HSF5: variants seen among roughly 807,000 people sequenced by gnomAD.
HSF5 encodes the protein heat shock transcription factor 5.
Under a neutral mutation model 50.8 loss-of-function variants are expected in HSF5, and 5 were observed. The ratio of observed to expected loss-of-function variants is 0.10; its 90% CI spans 0.05 to 0.21. The LOEUF is 0.21. Ranked by LOEUF, HSF5 falls within the 10% of genes least tolerant of loss-of-function variation. The pLI, the probability that HSF5 is intolerant of heterozygous loss-of-function variation, is 1.00. For synonymous variants in HSF5, 307 were observed against 307.4 expected (o/e 1.00, Z 0.02); for missense variants, 564 against 762.6 (o/e 0.74, Z 3.07).
intron 5 of HSF5, among the ~76,000 whole-genome samples, chr17:58,451,260 G>C (rs1974637457): frequency 6.6e-6 from 1 of 152,138 alleles, no homozygotes; most frequent in South Asian, 2.1e-4. Flanking sequence ...TAAACACCCA[G>C]CTTTCAGCAA....
chr17:58,458,157 G>A (rs1428228754), intron 5 of HSF5, among the ~76,000 whole-genome samples: 1 of 152,246 alleles, frequency 6.6e-6, no homozygotes, highest in East Asian at 1.9e-4. Flanking sequence ...TGGATGATAT[G>A]AGACACATGT....
intron 5 of HSF5, among the ~76,000 whole-genome samples, chr17:58,447,382 G>T (rs980007669): frequency 6.6e-6 from 1 of 152,244 alleles, no homozygotes; most frequent in Non-Finnish European, 1.5e-5. Flanking sequence ...CAGTCTGACA[G>T]TAGTGACAGA....
chr17:58,424,615 A>C (rs1349670437), intron 5 of HSF5, among the ~76,000 whole-genome samples: 1 of 151,122 alleles, frequency 6.6e-6, no homozygotes, highest in Admixed American at 6.6e-5. Flanking sequence ...CCGTCTCAAA[A>C]AAAAAAAAAA....
intron 2 of HSF5, among the ~76,000 whole-genome samples, chr17:58,477,808 C>A (rs1482727522): frequency 6.7e-6 from 1 of 149,440 alleles, no homozygotes; most frequent in Non-Finnish European, 1.5e-5. Context: ...AAGTAAATAT[C>A]TTTTTTTTTT....
At chr17:58,476,966 G>T in intron 2 of HSF5, 3 of 635,606 alleles carry the variant, frequency 4.7e-6, no homozygotes, top group South Asian at 3.7e-5. Context: ...ACGGTTGGGA[G>T]ACGGGGGCGG....
intron 2 of HSF5, among the ~76,000 whole-genome samples, chr17:58,477,115 A>G (rs111455302): frequency 5.8e-4 from 82 of 142,018 alleles, no homozygotes; most frequent in African/African-American, 2.2e-3. Flanking sequence ...ATATATATAT[A>G]CTTTTTTTTT....
intron 5 of HSF5, among the ~76,000 whole-genome samples, chr17:58,449,879 C>T (rs1360641055): frequency 4.0e-5 from 6 of 148,828 alleles, no homozygotes; most frequent in African/African-American, 9.9e-5. Context: ...AAAAATTAGC[C>T]GGGCGTAGTG....
intron 5 of HSF5, among the ~76,000 whole-genome samples, chr17:58,448,682 A>G (rs1044147047): frequency 6.6e-6 from 1 of 152,206 alleles, no homozygotes; most frequent in East Asian, 1.9e-4. Flanking sequence ...TCCCAAACAA[A>G]AGCTGAGAGA....
rs368445441 is a variant in HSF5, at chr17:58,477,523, G to A, written c.925+2370C>T. Among the ~76,000 whole-genome samples, 47 of 149,192 alleles carry A rather than the reference G, an allele frequency of 3.2e-4. No homozygotes were observed. In the East Asian group the frequency reaches 6.6e-3, roughly 21 times the overall value. On this transcript the variant is annotated intron_variant, in intron 2 of 5. Transcript: ENST00000323777. ...CGCCCAGGCTGGAGTGCAGTGGCGC[G>A]ATCTCGGCTCACTGCAAGTTCCGCT...
intron 5 of HSF5, among the ~76,000 whole-genome samples, chr17:58,425,126 C>T (rs1974277554): frequency 1.3e-5 from 2 of 151,822 alleles, no homozygotes; most frequent in East Asian, 1.9e-4. Flanking sequence ...AGGCCGGGTG[C>T]GGTGGCTCAT....
At position 58,487,970 on chromosome 17, in the gene HSF5, G is replaced by T; in HGVS notation, c.305C>A (p.Pro102Gln). 1 of 1,611,234 alleles carries T rather than the reference G, an allele frequency of 6.2e-7. No homozygotes were observed. Among genetic ancestry groups the T allele is most frequent in the Non-Finnish European group, 8.5e-7 (1 of 1,179,314 alleles). Reference sequence around the variant, plus strand: ...GTGATGGAGCGGCCCATTGCCTGCCGGTTTGCCGCCCCCCGGCCCGCCCAG... The same window carrying T: ...GTGATGGAGCGGCCCATTGCCTGCCTGTTTGCCGCCCCCCGGCCCGCCCAG... ...VVLGGPGGGKPAGNGPLHHFH... is the reference protein window; with the variant it reads ...VVLGGPGGGKQAGNGPLHHFH... Residue 102 changes from proline (P) to glutamine (Q), a missense_variant, in exon 1 of 6, where the codon CCG becomes CAG. Coordinates refer to ENST00000323777, the MANE Select transcript of HSF5 (RefSeq NM_001080439.3).
At chr17:58,429,613 G>A (rs1043209980) in intron 5 of HSF5, among the ~76,000 whole-genome samples, 5 of 152,104 alleles carry the variant, frequency 3.3e-5, no homozygotes, top group African/African-American at 4.8e-5. Context: ...TGGGGAGGCC[G>A]AAGTGGATGG....
intron 5 of HSF5, among the ~76,000 whole-genome samples, chr17:58,437,914 G>A (rs1974447449): frequency 6.6e-6 from 1 of 152,226 alleles, no homozygotes; most frequent in East Asian, 1.9e-4. Flanking sequence ...ATTTCTACAG[G>A]AGAGATTCCC....
chr17:58,445,876 C>T (rs1974554740), intron 5 of HSF5, among the ~76,000 whole-genome samples: 1 of 152,086 alleles, frequency 6.6e-6, no homozygotes, highest in Non-Finnish European at 1.5e-5. Context: ...TGGCTCACAC[C>T]TGTAATCCCA....
intron 5 of HSF5, among the ~76,000 whole-genome samples, chr17:58,445,082 C>G (rs73317753): frequency 5.9e-5 from 9 of 152,120 alleles, no homozygotes; most frequent in African/African-American, 2.2e-4. Flanking sequence ...CTTACAGAAG[C>G]CTTCCTTAAA....
At chr17:58,459,055 C>T (rs1974754355) in intron 4 of HSF5, 110 bp from the exon 5 acceptor site, 1 of 918,202 alleles carries the variant, frequency 1.1e-6, no homozygotes, top group Non-Finnish European at 1.7e-6. Context: ...AACAAACAAG[C>T]TTATAAGGCT....
rs763126275 is a variant in HSF5, at chr17:58,458,834, T to C, written c.1654A>G (p.Thr552Ala). The part of the protein sequence containing the change: ...MGPASKPSED[T>A]GLATPARYRE... ...TATCTGGCTGGAGTGGCTAAACCTG[T>C]GTCTTCACTAGGCTTGCTAGCAGGC... Residue 552 changes from threonine to alanine, a missense_variant, in exon 5 of 6, where the codon ACA becomes GCA. By Grantham distance (58) the Thr-to-Ala change is moderately conservative. Around this residue, in one of 5 missense-constraint regions of HSF5, gnomAD observed 441 missense variants for 533.6 expected, o/e 0.83. Coordinates refer to ENST00000323777, the MANE Select transcript of HSF5 (RefSeq NM_001080439.3). The C allele has an allele frequency of 6.1e-5, 99 of 1,614,048 alleles. 1 individual carries two copies. The highest frequency in any genetic ancestry group is 1.3e-5 in the Non-Finnish European group (15 of 1,180,020).
rs932266538 is a variant in HSF5 at position 58,420,431 on chromosome 17, G to A, written c.*1929C>T. On this transcript the variant is annotated 3_prime_UTR_variant, in exon 6 of 6. Coordinates refer to ENST00000323777, the MANE Select transcript of HSF5 (RefSeq NM_001080439.3). ...CTGTATTCATATATAAAAATGTTTG[G>A]AAAGCTGATTAAGGCATTTCATTAA... 6.6e-6 allele frequency: 1 copy of A among 152,172 alleles called. No homozygotes were observed. Among genetic ancestry groups the A allele is most frequent in the South Asian group, 2.1e-4 (1 of 4,824 alleles). The allele number at this position is 152,172 out of a possible 1,614,324, so 9.4% of individuals were successfully genotyped here.
intron 1 of HSF5, among the ~76,000 whole-genome samples, chr17:58,484,186 C>A (rs1385370401): frequency 6.8e-6 from 1 of 148,134 alleles, no homozygotes. Flanking sequence ...CTGCACATAC[C>A]AACAGGTAGA....
Sources: gnomAD v4.1 joint callset for allele counts (sites outside exome capture counted in the v4.1 genomes callset) on GRCh38, gnomAD v4.1.1 for gene constraint, gnomAD v4.1.1 regional missense constraint, MANE v1.5 for transcripts, NCBI Gene and HGNC (gene_info 2026-07-23, HGNC 2026-07-21) for gene names.